ZNF354A: variants seen among roughly 807,000 people sequenced by gnomAD.
The protein encoded by ZNF354A is zinc finger protein 354A, also known as epididymis luminal protein 104.
ZNF354A carries 25 observed loss-of-function variants against 53.3 expected under a neutral mutation model. The ratio of observed to expected loss-of-function variants is 0.47; its 90% confidence interval spans 0.34 to 0.66. The LOEUF is 0.66. Ranked by LOEUF, ZNF354A falls within the 30% of genes least tolerant of loss-of-function variation. ZNF354A has a pLI of 0.01. For synonymous variants in ZNF354A, 228 were observed against 249.0 expected, an observed-to-expected ratio of 0.92 and a Z score of 0.79; for missense variants, 586 against 716.8, an observed-to-expected ratio of 0.82 and a Z score of 2.08.
At chr5:178,726,618 A>C (rs1263428020) in intron 3 of ZNF354A, among the ~76,000 whole-genome samples, 2 of 152,180 alleles carry the variant, frequency 1.3e-5, no homozygotes, top group African/African-American at 4.8e-5. Flanking sequence ...TTTTTATAGT[A>C]AAAGTTTGCT....
chr5:178,728,782 C>CAAAAAAAA lies in ZNF354A; in HGVS notation c.33+200_33+207dup, dbSNP rs1157233878. ...ACTGCCTGGGCGACAAAGCGAGATTCAAAAAAAAAAAAAAAAAAGAGAACC... is the reference window on the plus strand; with the variant it reads ...ACTGCCTGGGCGACAAAGCGAGATTCAAAAAAAAAAAAAAAAAAAAAAAAAAGAGAACC... On this transcript the variant is annotated intron_variant, in intron 2 of 4. Transcript: ENST00000335815. Among the ~76,000 whole-genome samples the CAAAAAAAA allele has an allele frequency of 5.9e-3, 302 of 50,830 alleles. 8 individuals are homozygous for CAAAAAAAA. The highest frequency in any genetic ancestry group is 0.014 in the African/African-American group (152 of 10,650). The allele number at this position is 50,830 out of a possible 152,430, so 33.3% of individuals were successfully genotyped here.
Position 178,721,410 on chromosome 5 carries a change from A to G in ZNF354A, c.256+3966T>C, listed in dbSNP as rs113246083. Among the ~76,000 whole-genome samples the G allele has an allele frequency of 8.2e-3, 1,244 of 152,324 alleles. 13 individuals are homozygous for G. Among genetic ancestry groups the G allele is most frequent in the African/African-American group, 0.028 (1,162 of 41,556 alleles). ...AGAAAAGGGACAGGAAAAATGCAGT[A>G]TTATCATCTATGGGAGCATCATCAT... On this transcript the variant is annotated intron_variant, in intron 4 of 4. Coordinates refer to ENST00000335815, the MANE Select transcript of ZNF354A (RefSeq NM_005649.3).
chr5:178,725,418 G>T lies in ZNF354A; in HGVS notation c.214C>A (p.Pro72Thr). ...GAACCGTCTTTCTCCACCTCCCAGG[G>T]ATCTTCTCCTTGCTGCAACAGGGAG... is the stretch of plus-strand genomic sequence containing the variant. ...VISLLQQGED[P>T]WEVEKDGSGV... Residue 72 changes from proline to threonine, a missense_variant, in exon 4 of 5, where the codon CCC becomes ACC. By Grantham distance (38) the Pro-to-Thr change is conservative. This residue lies in a region of ZNF354A where 573 missense variants were observed against 680.1 expected (regional missense o/e 0.84). Coordinates refer to ENST00000335815, the MANE Select transcript of ZNF354A (RefSeq NM_005649.3). The T allele has an allele frequency of 5.0e-6, 8 of 1,614,172 alleles. No individual in the cohort carries two copies. The highest frequency in any genetic ancestry group is 6.8e-6 in the Non-Finnish European group (8 of 1,180,020).
At position 178,727,027 on chromosome 5, in the gene ZNF354A, C is replaced by T. The variant is rs1338926731; in HGVS notation, c.132G>A (p.Leu44=). 2 of 1,613,652 alleles carry T rather than the reference C, an allele frequency of 1.2e-6. No individual in the cohort carries two copies. The highest frequency in any genetic ancestry group is 1.1e-5 in the South Asian group (1 of 91,012). Residue 44 remains leucine, a synonymous_variant, in exon 3 of 5, where the codon CTG becomes CTA. Coordinates refer to ENST00000335815, the MANE Select transcript of ZNF354A (RefSeq NM_005649.3). ...GTGAGACCAGGTTCCTATAGTTCTC[C>T]AGCATCACATCCCGGTACAAGTTTC... ...SQRNLYRDVM[L]ENYRNLVSLG...
chr5:178,725,870 G>A (rs1195209735), intron 3 of ZNF354A, among the ~76,000 whole-genome samples: 2 of 151,900 alleles, frequency 1.3e-5, no homozygotes, highest in Admixed American at 6.6e-5. Flanking sequence ...TTTTTCTGAG[G>A]AGGAGTCTCG....
chr5:178,727,165 TC>T, intron 2 of ZNF354A, 40 bp from the exon 3 acceptor site: 1 of 1,582,128 alleles, frequency 6.3e-7, no homozygotes, highest in South Asian at 1.2e-5. Flanking sequence ...AGGACCACCC[TC>T]ACAGAGCAGA....
intron 4 of ZNF354A, among the ~76,000 whole-genome samples, chr5:178,722,421 C>T (rs1320772991): frequency 2.6e-5 from 4 of 152,216 alleles, no homozygotes; most frequent in Non-Finnish European, 2.9e-5. Flanking sequence ...TGATCTCCTT[C>T]TAGTGTTCCT....
intron 4 of ZNF354A, among the ~76,000 whole-genome samples, chr5:178,719,362 A>G (rs1464670862): frequency 6.6e-6 from 1 of 152,236 alleles, no homozygotes; most frequent in East Asian, 1.9e-4. Context: ...CAATAGAAAC[A>G]TAAGCTAGAA....
intron 4 of ZNF354A, among the ~76,000 whole-genome samples, chr5:178,714,205 G>A (rs561656691): frequency 1.1e-4 from 17 of 152,024 alleles, no homozygotes; most frequent in African/African-American, 3.6e-4. Flanking sequence ...GGGTTTCACC[G>A]TGTTGGCCAG....
intron 4 of ZNF354A, among the ~76,000 whole-genome samples, chr5:178,723,313 A>C (rs1435234020): frequency 6.6e-6 from 1 of 152,156 alleles, no homozygotes; most frequent in African/African-American, 2.4e-5. Context: ...CAAGCCCTGC[A>C]CTGTGGCCGT....
At chr5:178,724,802 A>ACTTTTTGGGAGCTCTGTCC (rs1561620765) in intron 4 of ZNF354A, among the ~76,000 whole-genome samples, 2 of 152,164 alleles carry the variant, frequency 1.3e-5, no homozygotes. Context: ...ATGCTCTGTA[A>ACTTTTTGGGAGCTCTGTCC]CTTTTTGGGA....
chr5:178,716,084 A>G (rs1355464993), intron 4 of ZNF354A, among the ~76,000 whole-genome samples: 2 of 151,896 alleles, frequency 1.3e-5, no homozygotes, highest in Non-Finnish European at 1.5e-5. Context: ...TTTAGTAGAG[A>G]CAGGGTTTCA....
At position 178,711,785 on chromosome 5, in the gene ZNF354A, GA is replaced by G; in HGVS notation, c.*274del. 3.3e-6 allele frequency: 1 copy of G among 307,004 alleles called. No homozygotes were observed. The highest frequency in any genetic ancestry group is 6.0e-6 in the Non-Finnish European group (1 of 166,980). The allele number at this position is 307,004 out of a possible 1,614,324, so 19.0% of individuals were successfully genotyped here. A position where few individuals can be genotyped will look rare whatever the true frequency, so the allele number is the denominator to read the frequency against. ...TGACATCTAGCATATACGTCTGTAGGAAAAGGGAAAAAGCAAACCCATTTCA... is the reference window on the plus strand; with the variant it reads ...TGACATCTAGCATATACGTCTGTAGGAAAGGGAAAAAGCAAACCCATTTCA... On this transcript the variant is annotated 3_prime_UTR_variant, in exon 5 of 5. Coordinates refer to ENST00000335815, the MANE Select transcript of ZNF354A (RefSeq NM_005649.3).
chr5:178,720,633 C>T (rs1195674933), intron 4 of ZNF354A, among the ~76,000 whole-genome samples: 1 of 152,220 alleles, frequency 6.6e-6, no homozygotes, highest in East Asian at 1.9e-4. Context: ...TTGATTTTGA[C>T]CTTCAGAACT....
chr5:178,714,194 AG>A (rs1765675592), intron 4 of ZNF354A, among the ~76,000 whole-genome samples: 1 of 151,946 alleles, frequency 6.6e-6, no homozygotes, highest in Non-Finnish European at 1.5e-5. Flanking sequence ...TAGTAGAGAC[AG>A]GGTTTCACCG....
chr5:178,717,804 G>A (rs1042301525), intron 4 of ZNF354A, among the ~76,000 whole-genome samples: 6 of 152,090 alleles, frequency 3.9e-5, no homozygotes, highest in South Asian at 2.1e-4. Context: ...CAGAAGCCAA[G>A]GGAAGAAGTA....
At position 178,712,525 on chromosome 5, in the gene ZNF354A, T is replaced by C. The variant is rs771715646; in HGVS notation, c.1353A>G (p.Ser451=). Residue 451 remains serine (S), a synonymous_variant, in exon 5 of 5, where the codon TCA becomes TCG. Transcript: ENST00000335815. ...GAATTCGCTCGTGAATAATAAGTGTTGAGTGGGAGCTTAAGGCTTTACCAC... is the reference window on the plus strand; with the variant it reads ...GAATTCGCTCGTGAATAATAAGTGTCGAGTGGGAGCTTAAGGCTTTACCAC... ...NECGKALSSH[S]TLIIHERIHT... 3 of 1,614,212 alleles carry C rather than the reference T, an allele frequency of 1.9e-6. No individual in the cohort carries two copies. The highest frequency in any genetic ancestry group is 2.5e-6 in the Non-Finnish European group (3 of 1,180,030).
intron 3 of ZNF354A, 51 bp from the exon 4 acceptor site, chr5:178,725,522 T>C (rs543372195): frequency 2.6e-6 from 4 of 1,567,330 alleles, no homozygotes; most frequent in East Asian, 4.5e-5. Context: ...TGGTTTTGTA[T>C]TGATACAGTT....
At chr5:178,725,548 AC>A (rs1765889853) in intron 3 of ZNF354A, 77 bp from the exon 4 acceptor site, 8 of 1,433,740 alleles carry the variant, frequency 5.6e-6, no homozygotes, top group Non-Finnish European at 7.8e-6. Flanking sequence ...AAATTTAAAT[AC>A]AGAACTCACA....
Sources: allele counts gnomAD v4.1 joint callset (sites outside exome capture counted in the v4.1 genomes callset), GRCh38; gene constraint gnomAD v4.1.1; regional missense constraint gnomAD v4.1.1; transcripts MANE v1.5; gene names NCBI Gene and HGNC (gene_info 2026-07-23, HGNC 2026-07-21).